CEP350: variants seen among roughly 807,000 people sequenced by gnomAD.
CEP350 encodes the protein centrosomal protein 350, also known as centrosome-associated protein 350.
In CEP350, 126 loss-of-function variants were observed where a neutral mutation model predicts 331.8. That is an observed-to-expected ratio of 0.38 (90% CI 0.33 to 0.44). The LOEUF is 0.44. Among genes scored for constraint, CEP350 ranks in the 20% least tolerant of loss-of-function variants. The pLI, the probability that CEP350 is intolerant of heterozygous loss-of-function variation, is 1.00. For missense variants in CEP350, 3,406 were observed against 3,634.6 expected, an observed-to-expected ratio of 0.94 and a Z score of 1.62; for synonymous variants, 1,200 against 1,259.5, an observed-to-expected ratio of 0.95 and a Z score of 1.00.
intron 37 of CEP350, among the ~76,000 whole-genome samples, chr1:180,099,787 T>A (rs1201386770): frequency 6.5e-5 from 2 of 30,740 alleles, no homozygotes; most frequent in Non-Finnish European, 1.2e-4. Flanking sequence ...TTGATTTTTT[T>A]TTTTTTTTTT....
chr1:179,971,661 T>C (rs1467191544), intron 1 of CEP350, among the ~76,000 whole-genome samples: 1 of 152,156 alleles, frequency 6.6e-6, no homozygotes, highest in African/African-American at 2.4e-5. Context: ...TAACTGTATC[T>C]CAACAATAAA....
intron 27 of CEP350, among the ~76,000 whole-genome samples, chr1:180,074,471 T>C (rs1659097268): frequency 6.6e-6 from 1 of 152,178 alleles, no homozygotes; most frequent in South Asian, 2.1e-4. Flanking sequence ...ATTGTATCTC[T>C]TAGGTAATGA....
At chr1:180,091,500 C>A (rs1188337868) in intron 33 of CEP350, among the ~76,000 whole-genome samples, 2 of 152,096 alleles carry the variant, frequency 1.3e-5, no homozygotes, top group Non-Finnish European at 2.9e-5. Context: ...TAGCTGTATA[C>A]ATTTTTCAGT....
At chr1:180,038,137 A>G (rs991054998) in intron 17 of CEP350, among the ~76,000 whole-genome samples, 3 of 152,202 alleles carry the variant, frequency 2.0e-5, no homozygotes, top group South Asian at 4.1e-4. Flanking sequence ...AGAACTTTGT[A>G]TAAAAGGAAG....
intron 1 of CEP350, among the ~76,000 whole-genome samples, chr1:179,981,710 A>G (rs1293854729): frequency 2.0e-5 from 3 of 152,198 alleles, no homozygotes; most frequent in South Asian, 2.1e-4. Context: ...ATTTAAAACT[A>G]TAATTATAGG....
intron 1 of CEP350, among the ~76,000 whole-genome samples, chr1:179,977,064 G>C (rs1314257146): frequency 6.6e-6 from 1 of 152,032 alleles, no homozygotes; most frequent in Non-Finnish European, 1.5e-5. Flanking sequence ...ATGTTCCGTT[G>C]CTTATCCTTT....
intron 1 of CEP350, chr1:179,969,588 A>G: frequency 3.1e-6 from 1 of 318,154 alleles, no homozygotes; most frequent in Non-Finnish European, 6.2e-6. Flanking sequence ...AAAAAAGACA[A>G]AAACAAATTA....
chr1:179,955,095 C>A lies in CEP350; in HGVS notation c.-61C>A. Reference sequence around the variant, plus strand: ...CGGCGTCACTGCACCCTCCGCCAGGCTCCGCGGGATGCACCGTGGTAGCCG... The same window carrying A: ...CGGCGTCACTGCACCCTCCGCCAGGATCCGCGGGATGCACCGTGGTAGCCG... On this transcript the variant is annotated 5_prime_UTR_variant, in exon 1 of 38. Transcript: ENST00000367607. 6.8e-7 allele frequency: 1 copy of A among 1,469,286 alleles called. No individual in the cohort carries two copies. The highest frequency in any genetic ancestry group is 9.0e-7 in the Non-Finnish European group (1 of 1,113,356). 91.0% of individuals were successfully genotyped at this position (1,469,286 alleles called of 1,614,324 possible). A position where few individuals can be genotyped will look rare whatever the true frequency, so the allele number is the denominator to read the frequency against.
rs750403167 is a variant in CEP350 at position 179,997,171 on chromosome 1, T to C, written c.1014T>C (p.Tyr338=). ...CAACAGCACCACCTGCTCCAGCATATAAAGGTTTGTAATCAGTCTTTATAT... is the reference window on the plus strand; with the variant it reads ...CAACAGCACCACCTGCTCCAGCATACAAAGGTTTGTAATCAGTCTTTATAT... ...KVATAPPAPA[Y]KGFNPSETKI... is the part of the protein sequence containing the mutation. The change falls in exon 6 of 38, where the codon TAT becomes TAC. Residue 338 remains tyrosine, a synonymous_variant. Transcript: ENST00000367607. The C allele has an allele frequency of 3.7e-6, 6 of 1,609,600 alleles. No homozygotes were observed. In the East Asian group the frequency reaches 1.1e-4, roughly 30 times the overall value.
chr1:179,998,705 A>G (rs1177500587), intron 6 of CEP350, among the ~76,000 whole-genome samples: 1 of 151,906 alleles, frequency 6.6e-6, no homozygotes, highest in African/African-American at 2.4e-5. Context: ...TTTTTCTCTA[A>G]CAAGTTTTGC....
intron 3 of CEP350, among the ~76,000 whole-genome samples, chr1:179,989,040 G>A (rs1201505680): frequency 6.6e-6 from 1 of 151,982 alleles, no homozygotes; most frequent in Non-Finnish European, 1.5e-5. Flanking sequence ...CAAAACTATT[G>A]GGTGTTTTTG....
intron 1 of CEP350, among the ~76,000 whole-genome samples, chr1:179,962,785 T>C (rs1421557895): frequency 6.6e-6 from 1 of 152,174 alleles, no homozygotes; most frequent in Non-Finnish European, 1.5e-5. Context: ...ATAAACATAC[T>C]AGTGCAGTGT....
Position 179,996,944 on chromosome 1 carries a change from A to G in CEP350, c.787A>G (p.Ser263Gly), listed in dbSNP as rs1245248276. Residue 263 changes from serine to glycine, a missense_variant, in exon 6 of 38, where the codon AGT becomes GGT. Around this residue, in one of 5 missense-constraint regions of CEP350, gnomAD observed 1,857 missense variants for 1,909.2 expected, o/e 0.97. Transcript: ENST00000367607. ...RLTDSSPSST[S>G]TSNSQRLDIL... ...AACTGACTCTTCTCCATCCTCTACT[A>G]GTACTTCTAATTCCCAAAGATTAGA... 1.2e-6 allele frequency: 2 copies of G among 1,614,040 alleles called. No homozygotes were observed. The highest frequency in any genetic ancestry group is 1.7e-6 in the Non-Finnish European group (2 of 1,179,880).
At chr1:179,996,152 A>G (rs546870004) in intron 5 of CEP350, among the ~76,000 whole-genome samples, 1 of 152,202 alleles carries the variant, frequency 6.6e-6, no homozygotes, top group East Asian at 1.9e-4. Context: ...TTTACTTGAT[A>G]GAGGGGGTAT....
intron 27 of CEP350, among the ~76,000 whole-genome samples, chr1:180,067,593 G>GC (rs1176480459): frequency 2.6e-5 from 4 of 152,132 alleles, no homozygotes; most frequent in Admixed American, 2.0e-4. Flanking sequence ...GGAGGCTGAG[G>GC]CAGGAGAATC....
intron 1 of CEP350, among the ~76,000 whole-genome samples, chr1:179,984,626 C>G (rs745839729): frequency 1.1e-4 from 17 of 152,042 alleles, no homozygotes; most frequent in Non-Finnish European, 2.4e-4. Flanking sequence ...TCTCTAAGTC[C>G]CACCATACTC....
chr1:180,076,435 AC>A (rs1213353907), intron 28 of CEP350, among the ~76,000 whole-genome samples: 1 of 152,176 alleles, frequency 6.6e-6, no homozygotes, highest in African/African-American at 2.4e-5. Context: ...GTGGTGAATT[AC>A]CTTACCCAGA....
chr1:180,089,467 C>T (rs1660045428), intron 32 of CEP350, among the ~76,000 whole-genome samples: 1 of 151,812 alleles, frequency 6.6e-6, no homozygotes, highest in African/African-American at 2.4e-5. Flanking sequence ...ACTGTAATCC[C>T]AGCTACTCAG....
chr1:180,106,755 C>A (rs1425689927), intron 37 of CEP350, among the ~76,000 whole-genome samples: 1 of 151,900 alleles, frequency 6.6e-6, no homozygotes, highest in Non-Finnish European at 1.5e-5. Context: ...AATTAGTAGT[C>A]ATTCAACCTA....
Sources: allele counts gnomAD v4.1 joint callset (sites outside exome capture counted in the v4.1 genomes callset), GRCh38; gene constraint gnomAD v4.1.1; regional missense constraint gnomAD v4.1.1; transcripts MANE v1.5; gene names NCBI Gene and HGNC (gene_info 2026-07-23, HGNC 2026-07-21).